The following NPHP4 variants were observed in gnomAD, a reference collection of about 807,000 sequenced individuals.
The protein encoded by NPHP4 is nephrocystin-4.
A neutral mutation model predicts 155.8 loss-of-function variants in NPHP4; 151 were observed. The observed-to-expected ratio is 0.97, with a 90% confidence interval of 0.85 to 1.11. NPHP4 has a LOEUF of 1.11. Ranked by LOEUF, NPHP4 falls within the 50% of genes least tolerant of loss-of-function variation. NPHP4 has a pLI of 0.00. For missense variants in NPHP4, 1,956 were observed against 1,925.7 expected (o/e 1.02, Z -0.29); for synonymous variants, 845 against 816.8 (o/e 1.03, Z -0.59).
At position 5,874,671 on chromosome 1, in the gene NPHP4, T is replaced by C. The variant is rs938087895; in HGVS notation, c.3045-14A>G. 3.1e-6 allele frequency: 5 copies of C among 1,609,352 alleles called. No individual in the cohort carries two copies. The highest frequency in any genetic ancestry group is 1.7e-5 in the Admixed American group (1 of 59,752). On this transcript the variant is annotated splice_polypyrimidine_tract_variant and intron_variant, in intron 21 of 29. Transcript: ENST00000378156. ...TCCACGATGACGCTGGGGGAGGCAG[T>C]GTCCAGGCGTCAGGGCAGTTCTTCC...
At chr1:5,913,570 G>C (rs369546529) in intron 11 of NPHP4, among the ~76,000 whole-genome samples, 1 of 152,210 alleles carries the variant, frequency 6.6e-6, no homozygotes, top group African/African-American at 2.4e-5. Context: ...AGGAGGCAAG[G>C]CAGGGCCTGC....
chr1:5,947,055 C>T (rs1647138477), intron 9 of NPHP4, 49 bp downstream of exon 9: 1 of 1,609,098 alleles, frequency 6.2e-7, no homozygotes, highest in East Asian at 2.2e-5. Flanking sequence ...TATCCTCACA[C>T]ACAGAGTTCA....
intron 20 of NPHP4, chr1:5,875,969 G>T (rs1179136738): frequency 6.6e-6 from 1 of 152,304 alleles, no homozygotes; most frequent in Admixed American, 6.5e-5. Context: ...AACATCCAAG[G>T]CTCTGGCTGT....
chr1:5,884,918 C>T (rs1244392247), intron 18 of NPHP4, among the ~76,000 whole-genome samples: 1 of 148,168 alleles, frequency 6.7e-6, no homozygotes, highest in African/African-American at 2.5e-5. Flanking sequence ...CAGCCAAACC[C>T]GTCCTACTCG....
intron 27 of NPHP4, 33 bp from the exon 28 acceptor site, chr1:5,864,550 G>A: frequency 2.7e-6 from 4 of 1,474,900 alleles, no homozygotes; most frequent in Non-Finnish European, 3.6e-6. Flanking sequence ...TCAGAGCACA[G>A]CCTCTCAGGA....
chr1:5,946,057 T>C (rs796834437), intron 9 of NPHP4, among the ~76,000 whole-genome samples: 67 of 152,366 alleles, frequency 4.4e-4, no homozygotes, highest in African/African-American at 1.5e-3. Context: ...TGTTGTTAAA[T>C]ATCTTACCGT....
chr1:5,913,982 C>T (rs1206160483), intron 11 of NPHP4, among the ~76,000 whole-genome samples: 1 of 152,080 alleles, frequency 6.6e-6, no homozygotes, highest in Non-Finnish European at 1.5e-5. Flanking sequence ...CACGCAGCTC[C>T]CCGCAAAGTA....
In NPHP4 at chr1:5,964,917, T is replaced by TTATATATA. The variant is rs4068402; in HGVS notation, c.517+2374_517+2381dup. ...ATATAAAATATATAATACATATATA[T>TTATATATA]TATATATATATATATATATATATAT... On this transcript the variant is annotated intron_variant, in intron 5 of 29. Transcript: ENST00000378156. 1.9e-4 allele frequency among the ~76,000 whole-genome samples: 16 copies of TTATATATA among 82,616 alleles called. 2 individuals carry two copies. The highest frequency in any genetic ancestry group is 1.5e-3 in the South Asian group (4 of 2,616). 54.2% of individuals were successfully genotyped at this position (82,616 alleles called of 152,430 possible). A position where few individuals can be genotyped will look rare whatever the true frequency, so the allele number is the denominator to read the frequency against.
chr1:5,959,004 G>A (rs1007514657), intron 6 of NPHP4, among the ~76,000 whole-genome samples: 1 of 141,672 alleles, frequency 7.1e-6, no homozygotes, highest in African/African-American at 2.6e-5. Flanking sequence ...TGGGCAAATT[G>A]TGTTTCTCTC....
intron 16 of NPHP4, among the ~76,000 whole-genome samples, chr1:5,894,024 C>T (rs1483359601): frequency 6.6e-6 from 1 of 152,116 alleles, no homozygotes; most frequent in Non-Finnish European, 1.5e-5. Context: ...AGAGTAATTG[C>T]TACAAACTAA....
intron 9 of NPHP4, 149 bp from the exon 10 acceptor site, chr1:5,933,478 T>C (rs575727167): frequency 3.0e-6 from 2 of 674,240 alleles, no homozygotes; most frequent in Non-Finnish European, 2.7e-6. Flanking sequence ...TAAAAGGAAC[T>C]AGGGCAGGAG....
At chr1:5,963,745 T>C (rs1432848620) in intron 5 of NPHP4, among the ~76,000 whole-genome samples, 1 of 149,344 alleles carries the variant, frequency 6.7e-6, no homozygotes, top group Non-Finnish European at 1.5e-5. Flanking sequence ...TGCAGTGCAG[T>C]GGCATGATCT....
chr1:5,978,318 G>C lies in NPHP4; in HGVS notation c.231C>G (p.Thr77=), dbSNP rs780544342. The part of the protein sequence containing the change: ...YRHFFGRTWK[T]TVKPTKRPPS... ...GCGGTCTCTTCGTCGGCTTCACTGTGGTTTTCCACGTCCTCCCAAAGAAGT... is the reference window on the plus strand; with the variant it reads ...GCGGTCTCTTCGTCGGCTTCACTGTCGTTTTCCACGTCCTCCCAAAGAAGT... Residue 77 remains threonine, a synonymous_variant, in exon 3 of 30, where the codon ACC becomes ACG. Coordinates refer to ENST00000378156, the MANE Select transcript of NPHP4 (RefSeq NM_015102.5). 6.2e-7 allele frequency: 1 copy of C among 1,609,518 alleles called. No homozygotes were observed. Among genetic ancestry groups the C allele is most frequent in the South Asian group, 1.1e-5 (1 of 90,334 alleles).
intron 11 of NPHP4, among the ~76,000 whole-genome samples, chr1:5,911,840 C>T (rs1262359634): frequency 2.0e-5 from 3 of 152,220 alleles, no homozygotes; most frequent in South Asian, 2.1e-4. Context: ...GCTTCCCAAA[C>T]TATACTCATA....
chr1:5,927,284 C>T (rs554829420), intron 11 of NPHP4, among the ~76,000 whole-genome samples: 3 of 152,146 alleles, frequency 2.0e-5, no homozygotes, highest in African/African-American at 4.8e-5. Flanking sequence ...AGTAGACAGA[C>T]GGCTACTTCA....
At chr1:5,885,967 T>TC (rs1643766735) in intron 18 of NPHP4, among the ~76,000 whole-genome samples, 2 of 152,172 alleles carry the variant, frequency 1.3e-5, no homozygotes, top group African/African-American at 4.8e-5. Context: ...TATCTCAGCC[T>TC]CCCCTTCCTA....
Position 5,910,989 on chromosome 1 carries a change from G to A in NPHP4, c.1442-1776C>T, listed in dbSNP as rs570460757. 1.3e-5 allele frequency among the ~76,000 whole-genome samples: 2 copies of A among 152,352 alleles called. No individual in the cohort carries two copies. The highest frequency in any genetic ancestry group is 2.1e-4 in the South Asian group (1 of 4,830). On this transcript the variant is annotated intron_variant, in intron 11 of 29. Coordinates refer to ENST00000378156, the MANE Select transcript of NPHP4 (RefSeq NM_015102.5). This position sits in a 1 kb window ranked among gnomAD's most constrained non-coding sequence, Gnocchi z 5.4. ...CCTGGGCAGCGCCCATTTGGCCCGCGCAGCTCCTCTGTAACCAGCCACAGT... is the reference window on the plus strand; with the variant it reads ...CCTGGGCAGCGCCCATTTGGCCCGCACAGCTCCTCTGTAACCAGCCACAGT...
intron 27 of NPHP4, 196 bp from the exon 28 acceptor site, chr1:5,864,713 C>T: frequency 1.8e-6 from 1 of 552,336 alleles, no homozygotes; most frequent in Non-Finnish European, 3.2e-6. Flanking sequence ...AGTCCCTCCT[C>T]TCACACGGCG....
At chr1:5,893,055 G>A (rs1431677277) in intron 16 of NPHP4, among the ~76,000 whole-genome samples, 2 of 152,174 alleles carry the variant, frequency 1.3e-5, no homozygotes, top group Non-Finnish European at 2.9e-5. Context: ...ACGGTGGCAG[G>A]GGTGTGGGGT....
Sources: gnomAD v4.1 joint callset for allele counts (sites outside exome capture counted in the v4.1 genomes callset) on GRCh38, gnomAD v4.1.1 for gene constraint, Gnocchi (gnomAD v3.1) non-coding constraint, MANE v1.5 for transcripts, NCBI Gene and HGNC (gene_info 2026-07-23, HGNC 2026-07-21) for gene names.